The following PTCD1 variants were observed in gnomAD, a reference collection of about 807,000 sequenced individuals.
PTCD1 encodes the protein pentatricopeptide repeat-containing protein 1, mitochondrial.
In PTCD1, 50 loss-of-function variants were observed where a neutral mutation model predicts 53.4. The ratio of observed to expected loss-of-function variants is 0.94; its 90% CI spans 0.75 to 1.19. The LOEUF (loss-of-function observed/expected upper bound fraction) is 1.19. PTCD1 is among the 50% of genes most tolerant of loss of function. The probability of loss-of-function intolerance (pLI) is 0.00; values close to 1 mark genes in which losing one functional copy is unlikely to be tolerated. For synonymous variants in PTCD1, 413 were observed against 394.8 expected (o/e 1.05, Z -0.55); for missense variants, 918 against 904.8 (o/e 1.01, Z -0.19).
chr7:99,424,640 C>T (rs886074217), intron 6 of PTCD1, among the ~76,000 whole-genome samples, 155 bp downstream of exon 6: 1 of 152,178 alleles, frequency 6.6e-6, no homozygotes. Flanking sequence ...CAAAATGGGA[C>T]CAAAGACCAG....
chr7:99,435,151 C>T lies in PTCD1; in HGVS notation c.92G>A (p.Trp31Ter), dbSNP rs1796410058. 1 of 1,601,306 alleles carries T rather than the reference C, an allele frequency of 6.2e-7. No homozygotes were observed. Among genetic ancestry groups the T allele is most frequent in the East Asian group, 2.2e-5 (1 of 44,732 alleles). The stretch of plus-strand genomic sequence containing the variant: ...CATCAGCCCCTCCCTGCCTCCTGCC[C>T]ACCTGGCTCTACAGGGGTCCAGGTG... ...LQHLDPCRAR[W>*]AGGREGLMRP... Residue 31 changes from tryptophan to a stop codon, truncating the protein, a stop_gained, in exon 2 of 8, where the codon TGG (tryptophan) becomes TAG (stop). Transcript: ENST00000292478. LOFTEE classifies it high-confidence loss of function.
At chr7:99,433,227 C>A in intron 3 of PTCD1, 51 bp downstream of exon 3, 1 of 1,613,942 alleles carries the variant, frequency 6.2e-7, no homozygotes, top group Non-Finnish European at 8.5e-7. Flanking sequence ...ACTTGGGATC[C>A]GCCCCCAGCT....
At chr7:99,436,805 C>T (rs1796484030) in intron 1 of PTCD1, among the ~76,000 whole-genome samples, 1 of 152,204 alleles carries the variant, frequency 6.6e-6, no homozygotes, top group South Asian at 2.1e-4. Context: ...GGGCCTTTAT[C>T]ATTCTGCATC....
chr7:99,419,541 G>A lies in PTCD1; in HGVS notation c.*426C>T. ...CGAGCAGTGCCCCAGGCCCGAGTTG[G>A]AGCACGGTCTCTATGGGGAAGGCTT... On this transcript the variant is annotated 3_prime_UTR_variant, in exon 8 of 8. Coordinates refer to ENST00000292478, the MANE Select transcript of PTCD1 (RefSeq NM_015545.4). 1 of 1,384,702 alleles carries A rather than the reference G, an allele frequency of 7.2e-7. No individual in the cohort carries two copies. Among genetic ancestry groups the A allele is most frequent in the Non-Finnish European group, 1.0e-6 (1 of 985,670 alleles). The allele number at this position is 1,384,702 out of a possible 1,614,324, so 85.8% of individuals were successfully genotyped here.
At chr7:99,428,347 G>A (rs1369641416) in intron 5 of PTCD1, among the ~76,000 whole-genome samples, 2 of 147,334 alleles carry the variant, frequency 1.4e-5, no homozygotes, top group East Asian at 4.0e-4. Flanking sequence ...AGCTTGCAGT[G>A]AGCCGAGATC....
At chr7:99,435,344 A>C (rs149192428) in intron 1 of PTCD1, 76 bp from the exon 2 acceptor site, 3 of 1,561,938 alleles carry the variant, frequency 1.9e-6, no homozygotes, top group Non-Finnish European at 2.6e-6. Flanking sequence ...AAGTGGTTAC[A>C]AGTATGGGCC....
chr7:99,431,985 CAGT>C (rs1796270629), intron 3 of PTCD1, among the ~76,000 whole-genome samples: 1 of 152,194 alleles, frequency 6.6e-6, no homozygotes, highest in Non-Finnish European at 1.5e-5. Context: ...TGCTTGAAGG[CAGT>C]AGGCTTGATA....
At position 99,424,829 on chromosome 7, in the gene PTCD1, G is replaced by A. The variant is rs375045061; in HGVS notation, c.1703C>T (p.Pro568Leu). Reference protein sequence around the residue: ...FCNLAIGCHRPKDGLQLLTDM... With the variant: ...FCNLAIGCHRLKDGLQLLTDM... ...TGTGAGAAGCTGTAGACCGTCCTTC[G>A]GCCTGTGGCACCCGATGGCCAGGTT... Residue 568 changes from proline to leucine, a missense_variant, in exon 6 of 8, where the codon CCG (proline) becomes CTG (leucine). Pro to Leu is a moderately conservative substitution (Grantham distance 98, BLOSUM62 -3). Transcript: ENST00000292478. 26 of 1,614,092 alleles carry A rather than the reference G, an allele frequency of 1.6e-5. No individual in the cohort carries two copies. Among genetic ancestry groups the A allele is most frequent in the Middle Eastern group, 1.6e-4 (1 of 6,084 alleles).
In PTCD1 at chr7:99,417,555, C is replaced by T. The variant is rs770743191; in HGVS notation, c.*2412G>A. 1.9e-6 allele frequency: 3 copies of T among 1,612,150 alleles called. No individual in the cohort carries two copies. Among genetic ancestry groups the T allele is most frequent in the Non-Finnish European group, 2.5e-6 (3 of 1,178,742 alleles). On this transcript the variant is annotated 3_prime_UTR_variant, in exon 8 of 8. Transcript: ENST00000292478. The stretch of plus-strand genomic sequence containing the variant: ...CAGACACGGGACACCAACTTCGGGA[C>T]GAACTGCATCTGCCGCGTGCCCAAA...
rs377126684 is a variant in PTCD1 at position 99,420,925 on chromosome 7, C to T, written c.1921-776G>A. Among the ~76,000 whole-genome samples the T allele has an allele frequency of 1.1e-4, 17 of 151,570 alleles. No homozygotes were observed. The East Asian group carries it at 2.3e-3, about 21-fold the overall frequency. Reference sequence around the variant, plus strand: ...TCACGCCATTGCACTCCAGCCTGGGCGACAGAGCAAGACTCCATCTCAAAA... The same window carrying T: ...TCACGCCATTGCACTCCAGCCTGGGTGACAGAGCAAGACTCCATCTCAAAA... On this transcript the variant is annotated intron_variant, in intron 7 of 7. Coordinates refer to ENST00000292478, the MANE Select transcript of PTCD1 (RefSeq NM_015545.4).
intron 7 of PTCD1, among the ~76,000 whole-genome samples, chr7:99,423,077 CTT>C (rs549528622): frequency 7.1e-5 from 10 of 140,202 alleles, no homozygotes; most frequent in Non-Finnish European, 7.7e-5. Flanking sequence ...CTCTTAACCT[CTT>C]TTTTTTTTTT....
At chr7:99,422,874 C>A (rs1795877236) in intron 7 of PTCD1, among the ~76,000 whole-genome samples, 2 of 152,158 alleles carry the variant, frequency 1.3e-5, no homozygotes, top group African/African-American at 4.8e-5. Flanking sequence ...CCTGGTCCAA[C>A]TAATCTTTTG....
intron 7 of PTCD1, among the ~76,000 whole-genome samples, chr7:99,422,061 T>C (rs932241452): frequency 7.9e-5 from 12 of 152,168 alleles, no homozygotes; most frequent in Admixed American, 5.9e-4. Flanking sequence ...TAGGAAGATA[T>C]GCACAACATG....
chr7:99,423,999 A>C, intron 6 of PTCD1, 42 bp from the exon 7 acceptor site: 7 of 1,602,692 alleles, frequency 4.4e-6, no homozygotes, highest in African/African-American at 1.3e-5. Context: ...GATGGCAGCC[A>C]TTGGGACCCA....
intron 5 of PTCD1, among the ~76,000 whole-genome samples, chr7:99,427,443 C>T (rs1584459372): frequency 4.7e-5 from 7 of 149,988 alleles, no homozygotes; most frequent in African/African-American, 1.7e-4. Flanking sequence ...GTGAGGAGCC[C>T]CTCTGCCAGG....
At chr7:99,438,596 GC>G in intron 1 of PTCD1, 95 bp downstream of exon 1, 3 of 1,136,060 alleles carry the variant, frequency 2.6e-6, no homozygotes, top group Admixed American at 5.3e-5. Context: ...CTCCTCAGAC[GC>G]CCCCGGCTCC....
At chr7:99,428,139 C>T (rs376769741) in intron 5 of PTCD1, among the ~76,000 whole-genome samples, 4 of 151,618 alleles carry the variant, frequency 2.6e-5, no homozygotes, top group Non-Finnish European at 5.9e-5. Flanking sequence ...CGGTGGCTCA[C>T]GCCTGTAATA....
At position 99,417,721 on chromosome 7, in the gene PTCD1, C is replaced by T; in HGVS notation, c.*2246G>A. The T allele has an allele frequency of 1.9e-6, 3 of 1,539,108 alleles. No homozygotes were observed. In the South Asian group the frequency reaches 3.6e-5, roughly 18 times the overall value. On this transcript the variant is annotated 3_prime_UTR_variant, in exon 8 of 8. Coordinates refer to ENST00000292478, the MANE Select transcript of PTCD1 (RefSeq NM_015545.4). Reference sequence around the variant, plus strand: ...TTTGTCCCTGGATGTCCTGCTGGCTCTCCCTCGTGGGAGTGGGTCCCTGTA... The same window carrying T: ...TTTGTCCCTGGATGTCCTGCTGGCTTTCCCTCGTGGGAGTGGGTCCCTGTA...
intron 1 of PTCD1, among the ~76,000 whole-genome samples, chr7:99,435,766 T>C (rs1406131654): frequency 6.6e-6 from 1 of 151,318 alleles, no homozygotes; most frequent in Non-Finnish European, 1.5e-5. Flanking sequence ...ACACCCCATC[T>C]CTACTAAAAA....
Sources: allele counts gnomAD v4.1 joint callset (sites outside exome capture counted in the v4.1 genomes callset), GRCh38; gene constraint gnomAD v4.1.1; transcripts MANE v1.5; gene names NCBI Gene and HGNC (gene_info 2026-07-23, HGNC 2026-07-21).